TPP2: variants seen among roughly 807,000 people sequenced by gnomAD.
The protein encoded by TPP2 is tripeptidyl peptidase 2, also known as tripeptidyl-peptidase 2.
A neutral mutation model predicts 155.9 loss-of-function variants in TPP2; 34 were observed. The observed-to-expected ratio is 0.22, with a 90% CI of 0.17 to 0.29. The LOEUF (loss-of-function observed/expected upper bound fraction) is 0.29, where lower values mean the gene tolerates loss of function less well. Ranked by LOEUF, TPP2 falls within the 10% of genes least tolerant of loss-of-function variation. The probability of loss-of-function intolerance (pLI) is 1.00; values close to 1 mark genes in which losing one functional copy is unlikely to be tolerated. For missense variants in TPP2, 1,028 were observed against 1,522.3 expected, an observed-to-expected ratio of 0.68 and a Z score of 5.40; for synonymous variants, 510 against 529.4, an observed-to-expected ratio of 0.96 and a Z score of 0.50.
intron 6 of TPP2, among the ~76,000 whole-genome samples, chr13:102,624,519 C>T (rs1402802435): frequency 6.6e-6 from 1 of 152,196 alleles, no homozygotes; most frequent in East Asian, 1.9e-4. Flanking sequence ...TTTCTCCACC[C>T]ACATCCCGGG....
At chr13:102,616,540 C>T in intron 4 of TPP2, 40 bp downstream of exon 4, 1 of 1,493,838 alleles carries the variant, frequency 6.7e-7, no homozygotes, top group South Asian at 1.3e-5. Flanking sequence ...TACCCTAGAA[C>T]CATATTCCCA....
intron 27 of TPP2, among the ~76,000 whole-genome samples, chr13:102,673,480 T>C (rs1885106026): frequency 6.6e-6 from 1 of 152,222 alleles, no homozygotes; most frequent in Non-Finnish European, 1.5e-5. Context: ...CTAACACTTT[T>C]CCCTGGAGTG....
intron 25 of TPP2, among the ~76,000 whole-genome samples, chr13:102,660,352 A>G (rs1326226040): frequency 6.6e-6 from 1 of 152,172 alleles, no homozygotes. Flanking sequence ...GTCCAAATAT[A>G]TCAATAATTT....
At chr13:102,643,442 A>T in intron 17 of TPP2, 66 bp downstream of exon 17, 1 of 1,317,570 alleles carries the variant, frequency 7.6e-7, no homozygotes, top group Non-Finnish European at 9.9e-7. Flanking sequence ...GGCTAAGACT[A>T]AGTATTTGCA....
At chr13:102,650,305 A>G (rs1476379589) in intron 23 of TPP2, among the ~76,000 whole-genome samples, 2 of 152,194 alleles carry the variant, frequency 1.3e-5, no homozygotes, top group East Asian at 1.9e-4. Context: ...AGCCTGCTAC[A>G]TAAATGCTGT....
chr13:102,628,806 T>C (rs548575167), intron 8 of TPP2, among the ~76,000 whole-genome samples: 5 of 152,252 alleles, frequency 3.3e-5, no homozygotes, highest in African/African-American at 1.2e-4. Flanking sequence ...ACTTCTTTAT[T>C]TTACTTAACT....
intron 27 of TPP2, 42 bp from the exon 28 acceptor site, chr13:102,674,241 C>G: frequency 3.2e-6 from 5 of 1,571,504 alleles, no homozygotes; most frequent in Non-Finnish European, 4.3e-6. Context: ...CTTTTAAAGA[C>G]ATTTTACTGA....
chr13:102,665,009 A>G, intron 27 of TPP2, 84 bp downstream of exon 27: 1 of 1,509,670 alleles, frequency 6.6e-7, no homozygotes, highest in South Asian at 1.2e-5. Context: ...TATAGAGGAT[A>G]TTGCTTTTCT....
intron 19 of TPP2, 129 bp downstream of exon 19, chr13:102,645,138 A>G: frequency 1.2e-6 from 1 of 851,072 alleles, no homozygotes; most frequent in Non-Finnish European, 1.8e-6. Flanking sequence ...TATCCTTGCC[A>G]GCAGATCTCT....
At chr13:102,600,288 T>C (rs1475182553) in intron 1 of TPP2, among the ~76,000 whole-genome samples, 1 of 152,204 alleles carries the variant, frequency 6.6e-6, no homozygotes, top group African/African-American at 2.4e-5. Flanking sequence ...TCCGTCAGGC[T>C]TCTACCATCC....
intron 16 of TPP2, 96 bp from the exon 17 acceptor site, chr13:102,643,126 A>G: frequency 3.4e-6 from 4 of 1,164,786 alleles, no homozygotes; most frequent in South Asian, 3.9e-5. Context: ...ATGTCCCTAC[A>G]TGGGAATTAT....
chr13:102,669,219 T>G (rs1406627870), intron 27 of TPP2, among the ~76,000 whole-genome samples: 1 of 152,240 alleles, frequency 6.6e-6, no homozygotes, highest in East Asian at 1.9e-4. Context: ...CTTCTGCCAG[T>G]AGTGTTGCAG....
intron 25 of TPP2, among the ~76,000 whole-genome samples, chr13:102,662,090 G>T (rs1884267387): frequency 6.6e-6 from 1 of 152,118 alleles, no homozygotes; most frequent in Admixed American, 6.6e-5. Flanking sequence ...GCCATGAATG[G>T]GATTAATACA....
At chr13:102,607,296 C>T (rs1595133255) in intron 2 of TPP2, among the ~76,000 whole-genome samples, 1 of 152,170 alleles carries the variant, frequency 6.6e-6, no homozygotes, top group East Asian at 1.9e-4. Context: ...ACCAGTTGAG[C>T]CTCCCTAATC....
Position 102,644,674 on chromosome 13 carries a change from G to A in TPP2, c.2292+1G>A. 6.3e-7 allele frequency: 1 copy of A among 1,590,892 alleles called. No individual in the cohort carries two copies. The highest frequency in any genetic ancestry group is 8.5e-7 in the Non-Finnish European group (1 of 1,170,416). On this transcript the variant is annotated splice_donor_variant, in intron 18 of 29. Coordinates refer to ENST00000376052, the MANE Select transcript of TPP2 (RefSeq NM_001330588.2). LOFTEE classifies it high-confidence loss of function. ...GTGTACTGCTCCTCAGTTAAACATT[G>A]TAAGTTCCACAACATTTTCATGATT...
chr13:102,676,939 TC>T (rs917491521), intron 29 of TPP2, among the ~76,000 whole-genome samples: 5 of 152,200 alleles, frequency 3.3e-5, no homozygotes, highest in African/African-American at 7.2e-5. Flanking sequence ...TAGTCTGACC[TC>T]GTCTTTGAAC....
In TPP2 at chr13:102,678,322, G is replaced by A; in HGVS notation, c.*6G>A. 6.2e-7 allele frequency: 1 copy of A among 1,602,676 alleles called. No individual in the cohort carries two copies. The highest frequency in any genetic ancestry group is 8.5e-7 in the Non-Finnish European group (1 of 1,177,114). On this transcript the variant is annotated 3_prime_UTR_variant, in exon 30 of 30. Coordinates refer to ENST00000376052, the MANE Select transcript of TPP2 (RefSeq NM_001330588.2). Reference sequence around the variant, plus strand: ...CCGATTATTGCGTATTCTAAAATAGGAAACAAGACTTTAAATTTTAAAAAA... The same window carrying A: ...CCGATTATTGCGTATTCTAAAATAGAAAACAAGACTTTAAATTTTAAAAAA...
intron 2 of TPP2, among the ~76,000 whole-genome samples, chr13:102,608,588 T>A (rs1221377983): frequency 6.6e-6 from 1 of 152,180 alleles, no homozygotes; most frequent in Non-Finnish European, 1.5e-5. Context: ...TTTTTTAAAA[T>A]TTTGCCTATT....
intron 1 of TPP2, among the ~76,000 whole-genome samples, chr13:102,604,169 A>G (rs1028669313): frequency 3.3e-5 from 5 of 152,038 alleles, no homozygotes; most frequent in African/African-American, 9.7e-5. Flanking sequence ...GTGGCATCCA[A>G]TAATGGTGCC....
Sources: gnomAD v4.1 joint callset for allele counts (sites outside exome capture counted in the v4.1 genomes callset) on GRCh38, gnomAD v4.1.1 for gene constraint, MANE v1.5 for transcripts, NCBI Gene and HGNC (gene_info 2026-07-23, HGNC 2026-07-21) for gene names.